Variants in PIK3C2G observed in about 807,000 individuals in gnomAD.
PIK3C2G encodes phosphatidylinositol 3-kinase C2 domain-containing subunit gamma.
A neutral mutation model predicts 181.1 loss-of-function variants in PIK3C2G; 168 were observed. That is an observed-to-expected ratio of 0.93 (90% CI 0.82 to 1.05). The LOEUF is 1.05. Ranked by LOEUF, PIK3C2G falls within the 50% of genes least tolerant of loss-of-function variation. PIK3C2G has a pLI of 0.00. For missense variants in PIK3C2G, 1,869 were observed against 1,732.8 expected, an observed-to-expected ratio of 1.08 and a Z score of -1.40; for synonymous variants, 573 against 592.2, an observed-to-expected ratio of 0.97 and a Z score of 0.47.
chr12:18,363,728 T>C (rs1012534514), intron 12 of PIK3C2G, among the ~76,000 whole-genome samples: 1 of 152,106 alleles, frequency 6.6e-6, no homozygotes, highest in African/African-American at 2.4e-5. Flanking sequence ...GCTTTTCCAT[T>C]AATAAATACG....
chr12:18,565,078 G>T (rs1246893847), intron 28 of PIK3C2G, among the ~76,000 whole-genome samples: 1 of 152,112 alleles, frequency 6.6e-6, no homozygotes, highest in African/African-American at 2.4e-5. Context: ...GGAACATTTT[G>T]TCCTATGTTC....
At chr12:18,483,216 C>T (rs988227270) in intron 18 of PIK3C2G, among the ~76,000 whole-genome samples, 5 of 152,160 alleles carry the variant, frequency 3.3e-5, no homozygotes, top group African/African-American at 1.2e-4. Flanking sequence ...GTACCATCTC[C>T]TTCACTGCCC....
chr12:18,711,663 G>C, the PIK3C2G span, among the ~76,000 whole-genome samples: 1 of 151,866 alleles, frequency 6.6e-6, no homozygotes. Context: ...GCACATGAAA[G>C]TTGTCATTGA....
intron 14 of PIK3C2G, among the ~76,000 whole-genome samples, chr12:18,390,801 G>A (rs1198850398): frequency 6.6e-6 from 1 of 152,050 alleles, no homozygotes; most frequent in Admixed American, 6.6e-5. Flanking sequence ...AGGATATAAT[G>A]TTAGCATTAA....
At chr12:18,545,868 A>G (rs1228315616) in intron 25 of PIK3C2G, among the ~76,000 whole-genome samples, 1 of 151,918 alleles carries the variant, frequency 6.6e-6, no homozygotes, top group Non-Finnish European at 1.5e-5. Context: ...TCTAAAATGC[A>G]TATTATTATA....
chr12:18,615,206 A>G (rs907722503), intron 31 of PIK3C2G, among the ~76,000 whole-genome samples: 3 of 151,912 alleles, frequency 2.0e-5, no homozygotes, highest in Admixed American at 2.0e-4. Context: ...CCTATACATG[A>G]GAATATAAAA....
At chr12:18,592,541 T>C (rs1947139707) in intron 29 of PIK3C2G, among the ~76,000 whole-genome samples, 1 of 151,850 alleles carries the variant, frequency 6.6e-6, no homozygotes, top group Admixed American at 6.6e-5. Context: ...GGCAGAAACC[T>C]GAATGTAGTT....
chr12:18,331,176 C>T (rs543612389), intron 8 of PIK3C2G, among the ~76,000 whole-genome samples: 5 of 152,034 alleles, frequency 3.3e-5, no homozygotes, highest in African/African-American at 1.2e-4. Flanking sequence ...TATAAGTTCT[C>T]CAAAATCATT....
At chr12:18,509,276 G>A (rs542589231) in intron 24 of PIK3C2G, among the ~76,000 whole-genome samples, 89 of 152,192 alleles carry the variant, frequency 5.8e-4, no homozygotes, top group Admixed American at 1.6e-3. Context: ...TCGAACTCCC[G>A]ACCTCAGGCA....
intron 7 of PIK3C2G, among the ~76,000 whole-genome samples, chr12:18,322,079 CAG>C (rs1485640105): frequency 6.6e-6 from 1 of 152,098 alleles, no homozygotes; most frequent in African/African-American, 2.4e-5. Flanking sequence ...ACACGTTTCC[CAG>C]AACTTAAAAT....
At chr12:18,615,330 GGTGTGTGTGT>G (rs3055216) in intron 31 of PIK3C2G, among the ~76,000 whole-genome samples, 49 of 138,212 alleles carry the variant, frequency 3.5e-4, no homozygotes, top group African/African-American at 1.1e-3. Flanking sequence ...AGTATTCCAC[GGTGTGTGTGT>G]GTGTGTGTGT....
chr12:18,723,353 T>C, the PIK3C2G span: 69 of 1,612,578 alleles, frequency 4.3e-5, no homozygotes, highest in Non-Finnish European at 5.3e-5. Context: ...TCAAAAGCAA[T>C]AGCTTTACTC....
At chr12:18,291,111 G>C (rs1027684969) in intron 4 of PIK3C2G, 99 bp downstream of exon 4, 5 of 654,968 alleles carry the variant, frequency 7.6e-6, no homozygotes, top group Admixed American at 6.6e-5. Context: ...AATAATATTA[G>C]CTACTGTTTT....
intron 30 of PIK3C2G, among the ~76,000 whole-genome samples, chr12:18,601,678 T>C (rs1007321714): frequency 6.6e-6 from 1 of 152,176 alleles, no homozygotes; most frequent in African/African-American, 2.4e-5. Flanking sequence ...CATGGAATTT[T>C]TTTTCATTCA....
At chr12:18,416,241 T>A (rs568405581) in intron 16 of PIK3C2G, among the ~76,000 whole-genome samples, 1 of 148,366 alleles carries the variant, frequency 6.7e-6, no homozygotes, top group Admixed American at 7.0e-5. Context: ...CAAGACTCCA[T>A]CTCAAAAAGA....
At chr12:18,517,777 G>A (rs1279751279) in intron 24 of PIK3C2G, among the ~76,000 whole-genome samples, 1 of 152,122 alleles carries the variant, frequency 6.6e-6, no homozygotes, top group East Asian at 1.9e-4. Flanking sequence ...TGTTGAATAG[G>A]AGTGGTGAAA....
chr12:18,655,722 CA>C, the PIK3C2G span, among the ~76,000 whole-genome samples: 1 of 145,772 alleles, frequency 6.9e-6, no homozygotes, highest in Non-Finnish European at 1.5e-5. Flanking sequence ...GTTTTCCTCC[CA>C]AAAACTCACA....
At chr12:18,565,821 A>C (rs1317017458) in intron 28 of PIK3C2G, among the ~76,000 whole-genome samples, 1 of 152,142 alleles carries the variant, frequency 6.6e-6, no homozygotes, top group Non-Finnish European at 1.5e-5. Context: ...TTGTTCTATC[A>C]ACAAGGAAAA....
At chr12:18,475,141 T>C (rs1938845627) in intron 18 of PIK3C2G, among the ~76,000 whole-genome samples, 1 of 152,138 alleles carries the variant, frequency 6.6e-6, no homozygotes, top group Admixed American at 6.6e-5. Flanking sequence ...ACCGATAGAT[T>C]ATTATAGGCT....
Sources: allele counts gnomAD v4.1 joint callset (sites outside exome capture counted in the v4.1 genomes callset), GRCh38; gene constraint gnomAD v4.1.1; transcripts MANE v1.5; gene names NCBI Gene and HGNC (gene_info 2026-07-23, HGNC 2026-07-21).